Variants in GPR158 observed in about 807,000 individuals in gnomAD.
GPR158 encodes the protein G protein-coupled receptor 158, also known as metabotropic glycine receptor.
GPR158 carries 30 observed loss-of-function variants against 78.2 expected under a neutral mutation model. The observed-to-expected ratio is 0.38, with a 90% CI of 0.29 to 0.52. GPR158 has a LOEUF of 0.52. Among genes scored for constraint, GPR158 ranks in the 20% least tolerant of loss-of-function variants. GPR158 has a pLI of 0.83. For missense variants in GPR158, 1,463 were observed against 1,523.5 expected, an observed-to-expected ratio of 0.96 and a Z score of 0.66; for synonymous variants, 581 against 591.1, an observed-to-expected ratio of 0.98 and a Z score of 0.25.
At chr10:25,494,255 A>G (rs976695829) in intron 5 of GPR158, among the ~76,000 whole-genome samples, 4 of 152,196 alleles carry the variant, frequency 2.6e-5, no homozygotes, top group African/African-American at 9.7e-5. Flanking sequence ...GATAGCATAA[A>G]TCAATATGCA....
chr10:25,394,215 C>G (rs896624166), intron 2 of GPR158, among the ~76,000 whole-genome samples: 1 of 152,288 alleles, frequency 6.6e-6, no homozygotes, highest in South Asian at 2.1e-4. Context: ...CATGGTGGCA[C>G]TACCTTTTTC....
At chr10:25,433,174 C>T (rs1392647826) in intron 4 of GPR158, among the ~76,000 whole-genome samples, 2 of 152,226 alleles carry the variant, frequency 1.3e-5, no homozygotes, top group African/African-American at 4.8e-5. Flanking sequence ...TACAGCCCAT[C>T]ATACCTGTTA....
chr10:25,377,449 TCA>T lies in GPR158; in HGVS notation c.1009-18459_1009-18458del, dbSNP rs1834096896. Among the ~76,000 whole-genome samples, 5 of 152,058 alleles carry T rather than the reference TCA, an allele frequency of 3.3e-5. 1 individual carries two copies. In the South Asian group the frequency reaches 8.3e-4, roughly 25 times the overall value. ...GTAGAATTCAGTGATTTTAGTATAT[TCA>T]CAGAGTCATGCAACCATCATCACTA... is the stretch of plus-strand genomic sequence containing the variant. On this transcript the variant is annotated intron_variant, in intron 2 of 10. Transcript: ENST00000376351.
At chr10:25,359,771 A>G (rs1011355877) in intron 2 of GPR158, among the ~76,000 whole-genome samples, 1 of 152,190 alleles carries the variant, frequency 6.6e-6, no homozygotes. Flanking sequence ...CTTTGGGTAT[A>G]TACCCAGTAA....
At chr10:25,545,896 G>A (rs1439582766) in intron 5 of GPR158, among the ~76,000 whole-genome samples, 1 of 152,042 alleles carries the variant, frequency 6.6e-6, no homozygotes, top group Non-Finnish European at 1.5e-5. Flanking sequence ...TTGCCCTCGT[G>A]CGCCTTTATA....
At chr10:25,521,590 G>T (rs1836275238) in intron 5 of GPR158, among the ~76,000 whole-genome samples, 1 of 152,128 alleles carries the variant, frequency 6.6e-6, no homozygotes, top group South Asian at 2.1e-4. Context: ...TCTTTTGGGG[G>T]CATTAAAGAA....
rs184305404 is a variant in GPR158, at chr10:25,216,160, C to T, written c.903-4892C>T. On this transcript the variant is annotated intron_variant, in intron 1 of 10. Transcript: ENST00000376351. ...TAGAGTTTTTATTATGGCAGCAGTC[C>T]GTTTCCAGGCACTGGATTCTGTTCT... Among the ~76,000 whole-genome samples, 179 of 152,274 alleles carry T rather than the reference C, an allele frequency of 1.2e-3. 1 individual carries two copies. The highest frequency in any genetic ancestry group is 3.8e-3 in the African/African-American group (160 of 41,562).
chr10:25,509,573 C>G (rs1463012653), intron 5 of GPR158, among the ~76,000 whole-genome samples: 2 of 152,158 alleles, frequency 1.3e-5, no homozygotes, highest in Admixed American at 1.3e-4. Flanking sequence ...ATAATAGCTA[C>G]AGCTGTAACT....
intron 2 of GPR158, among the ~76,000 whole-genome samples, chr10:25,347,909 T>C (rs1855395616): frequency 6.6e-6 from 1 of 151,942 alleles, no homozygotes; most frequent in Non-Finnish European, 1.5e-5. Flanking sequence ...AGTTCATTAT[T>C]TTACTCCATC....
At chr10:25,582,490 G>T (rs756119275) in intron 7 of GPR158, among the ~76,000 whole-genome samples, 12 of 152,218 alleles carry the variant, frequency 7.9e-5, no homozygotes, top group Non-Finnish European at 1.6e-4. Context: ...AGCGAAGTGT[G>T]AACAGAAGCA....
chr10:25,181,635 T>C (rs1394925451), intron 1 of GPR158, among the ~76,000 whole-genome samples: 1 of 152,216 alleles, frequency 6.6e-6, no homozygotes, highest in East Asian at 1.9e-4. Context: ...TCTTCAACTG[T>C]AAATTGAGAA....
chr10:25,211,049 T>G (rs1316504240), intron 1 of GPR158, among the ~76,000 whole-genome samples: 7 of 151,968 alleles, frequency 4.6e-5, no homozygotes, highest in Non-Finnish European at 8.8e-5. Context: ...GGAGAATCGC[T>G]TAAACCAGGG....
At chr10:25,239,560 G>A (rs1853575585) in intron 2 of GPR158, among the ~76,000 whole-genome samples, 1 of 150,206 alleles carries the variant, frequency 6.7e-6, no homozygotes, top group Non-Finnish European at 1.5e-5. Flanking sequence ...GTGAATCAAG[G>A]TCACACCACA....
chr10:25,217,996 G>C (rs1445076949), intron 1 of GPR158, among the ~76,000 whole-genome samples: 1 of 152,052 alleles, frequency 6.6e-6, no homozygotes, highest in African/African-American at 2.4e-5. Context: ...CGGGACAGAG[G>C]GCACAGGCGC....
intron 1 of GPR158, among the ~76,000 whole-genome samples, chr10:25,212,232 G>T (rs1021042979): frequency 1.3e-5 from 2 of 152,174 alleles, no homozygotes; most frequent in African/African-American, 4.8e-5. Context: ...AGGCTGTACA[G>T]GAAGCATGGC....
At chr10:25,365,197 A>G (rs995592128) in intron 2 of GPR158, among the ~76,000 whole-genome samples, 1 of 151,588 alleles carries the variant, frequency 6.6e-6, no homozygotes, top group Non-Finnish European at 1.5e-5. Context: ...TTTGCAGATG[A>G]AAAGATAGCA....
chr10:25,365,391 C>T (rs1189656990), intron 2 of GPR158, among the ~76,000 whole-genome samples: 1 of 151,652 alleles, frequency 6.6e-6, no homozygotes, highest in Non-Finnish European at 1.5e-5. Flanking sequence ...AGCCCTATGC[C>T]CTTTATTCTG....
In GPR158 at chr10:25,319,410, A is replaced by G. The variant is rs922182564; in HGVS notation, c.1009-76501A>G. Among the ~76,000 whole-genome samples, 6 of 152,224 alleles carry G rather than the reference A, an allele frequency of 3.9e-5. No individual in the cohort carries two copies. The South Asian group carries it at 1.2e-3, about 32-fold the overall frequency. ...TGTAAATTCCCATTGTGTTAATCTA[A>G]CACAATGTCTTCTACATAATGGGTA... On this transcript the variant is annotated intron_variant, in intron 2 of 10. Coordinates refer to ENST00000376351, the MANE Select transcript of GPR158 (RefSeq NM_020752.3).
chr10:25,423,529 G>C (rs9418477), intron 4 of GPR158, among the ~76,000 whole-genome samples: 106,009 of 151,492 alleles, frequency 0.7, 38,072 homozygotes, highest in Non-Finnish European at 0.8. Context: ...AATGCTATCC[G>C]TCCCCCATGC....
Sources: allele counts gnomAD v4.1 joint callset (sites outside exome capture counted in the v4.1 genomes callset), GRCh38; gene constraint gnomAD v4.1.1; transcripts MANE v1.5; gene names NCBI Gene and HGNC (gene_info 2026-07-23, HGNC 2026-07-21).